The following FBXL7 variants were observed in gnomAD, a reference collection of about 807,000 sequenced individuals.
FBXL7 encodes F-box/LRR-repeat protein 7.
In FBXL7, 12 loss-of-function variants were observed where a neutral mutation model predicts 38.3. The ratio of observed to expected loss-of-function variants is 0.31; its 90% confidence interval spans 0.20 to 0.51. FBXL7 has a LOEUF of 0.51. Ranked by LOEUF, FBXL7 falls within the 20% of genes least tolerant of loss-of-function variation. The pLI, the probability that FBXL7 is intolerant of heterozygous loss-of-function variation, is 0.98. For synonymous variants in FBXL7, 297 were observed against 300.9 expected (o/e 0.99, Z 0.13); for missense variants, 567 against 676.4 (o/e 0.84, Z 1.79).
chr5:15,719,396 A>T (rs1744134480), intron 2 of FBXL7, among the ~76,000 whole-genome samples: 1 of 122,952 alleles, frequency 8.1e-6, no homozygotes, highest in Non-Finnish European at 1.9e-5. Flanking sequence ...TAAGTGACCT[A>T]TTTATAATAT....
At chr5:15,648,336 TG>T (rs916215552) in intron 2 of FBXL7, among the ~76,000 whole-genome samples, 8 of 152,360 alleles carry the variant, frequency 5.3e-5, no homozygotes, top group African/African-American at 1.7e-4. Context: ...CATTGAAGTC[TG>T]CATTTTTAAG....
rs1444247422 is a variant in FBXL7, at chr5:15,911,540, C to A, written c.128-16350C>A. Among the ~76,000 whole-genome samples the A allele has an allele frequency of 1.6e-5, 2 of 126,028 alleles. 1 individual carries two copies. The highest frequency in any genetic ancestry group is 8.7e-5 in the African/African-American group (2 of 23,108). The allele number at this position is 126,028 out of a possible 152,430, so 82.7% of individuals were successfully genotyped here. On this transcript the variant is annotated intron_variant, in intron 2 of 3. Transcript: ENST00000504595. ...TCTCTCAGCTCGTCAAAATCATTCT[C>A]CATCCAGCTTTGTTCTGTTGCTGGT... is the stretch of plus-strand genomic sequence containing the variant.
intron 2 of FBXL7, among the ~76,000 whole-genome samples, chr5:15,627,913 A>G (rs1405912442): frequency 6.6e-6 from 1 of 152,186 alleles, no homozygotes; most frequent in East Asian, 1.9e-4. Context: ...AGGTTGTTAG[A>G]CTAATTAACA....
rs899218055 is a variant in FBXL7, at chr5:15,637,643, A to G, written c.127+21571A>G. 5.9e-5 allele frequency among the ~76,000 whole-genome samples: 9 copies of G among 152,284 alleles called. No homozygotes were observed. The South Asian group carries it at 1.9e-3, about 32-fold the overall frequency. On this transcript the variant is annotated intron_variant, in intron 2 of 3. Transcript: ENST00000504595. ...AGGCATGGTTTTAACTGCATTACAT[A>G]TATTCACTCATTTAACCCCAGAACC...
intron 2 of FBXL7, among the ~76,000 whole-genome samples, chr5:15,755,717 C>T (rs368212539): frequency 1.0e-3 from 152 of 152,310 alleles, no homozygotes; most frequent in African/African-American, 3.4e-3. Flanking sequence ...TTCATTACAC[C>T]TAGAAATAGC....
intron 1 of FBXL7, among the ~76,000 whole-genome samples, chr5:15,517,356 A>G (rs1736971615): frequency 6.6e-6 from 1 of 152,238 alleles, no homozygotes; most frequent in Non-Finnish European, 1.5e-5. Context: ...ATGGTAAACT[A>G]AAGCATTCAG....
At chr5:15,515,542 TTGTC>T (rs1736911109) in intron 1 of FBXL7, among the ~76,000 whole-genome samples, 4 of 152,192 alleles carry the variant, frequency 2.6e-5, no homozygotes, top group Non-Finnish European at 5.9e-5. Flanking sequence ...GTTTTACTGA[TTGTC>T]TGCTGTGCTT....
At chr5:15,805,736 G>A (rs557308670) in intron 2 of FBXL7, among the ~76,000 whole-genome samples, 8 of 152,050 alleles carry the variant, frequency 5.3e-5, no homozygotes, top group Non-Finnish European at 7.4e-5. Context: ...TTTAATCACC[G>A]GATTTTAAAA....
At chr5:15,545,631 A>G (rs1338614290) in intron 1 of FBXL7, among the ~76,000 whole-genome samples, 3 of 152,168 alleles carry the variant, frequency 2.0e-5, no homozygotes, top group African/African-American at 4.8e-5. Flanking sequence ...AAATTAGTTT[A>G]TATTTATTGA....
At chr5:15,794,605 A>G (rs1433242540) in intron 2 of FBXL7, among the ~76,000 whole-genome samples, 1 of 152,184 alleles carries the variant, frequency 6.6e-6, no homozygotes, top group Non-Finnish European at 1.5e-5. Flanking sequence ...CCAGAGCCTT[A>G]TAAATGGGGT....
At position 15,927,987 on chromosome 5, in the gene FBXL7, C is replaced by T. The variant is rs1741929940; in HGVS notation, c.225C>T (p.Thr75=). 6.3e-7 allele frequency: 1 copy of T among 1,596,876 alleles called. No homozygotes were observed. The change falls in exon 3 of 4, where the codon ACC becomes ACT. Residue 75 remains threonine (T), a synonymous_variant. Coordinates refer to ENST00000504595, the MANE Select transcript of FBXL7 (RefSeq NM_012304.5). ...TTCAGAATGGAAGGGGCTCGTCCAC[C>T]TCCTCGTCCTCCATCACCGGGGAGA... ...PGFQNGRGSS[T]SSSSITGETV... is the part of the protein sequence containing the mutation.
chr5:15,533,954 T>A (rs1260760641), intron 1 of FBXL7, among the ~76,000 whole-genome samples: 1 of 152,286 alleles, frequency 6.6e-6, no homozygotes, highest in Non-Finnish European at 1.5e-5. Context: ...TTTTTCCCCC[T>A]TTTTTGTCTC....
intron 1 of FBXL7, among the ~76,000 whole-genome samples, chr5:15,594,729 C>T (rs1739574292): frequency 6.6e-6 from 1 of 152,178 alleles, no homozygotes; most frequent in African/African-American, 2.4e-5. Flanking sequence ...TGGCTCTTTG[C>T]GTATAACCTG....
chr5:15,570,299 T>G (rs1738731478), intron 1 of FBXL7, among the ~76,000 whole-genome samples: 1 of 152,226 alleles, frequency 6.6e-6, no homozygotes, highest in Non-Finnish European at 1.5e-5. Flanking sequence ...AGATTCAGCT[T>G]CTTCCTGGTT....
chr5:15,921,968 C>A (rs986968947), intron 2 of FBXL7, among the ~76,000 whole-genome samples: 1 of 152,082 alleles, frequency 6.6e-6, no homozygotes, highest in Admixed American at 6.5e-5. Flanking sequence ...CCAGCAATCC[C>A]TCTTTTGGGC....
intron 1 of FBXL7, among the ~76,000 whole-genome samples, chr5:15,610,559 C>G (rs1740198572): frequency 6.6e-6 from 1 of 152,116 alleles, no homozygotes; most frequent in East Asian, 1.9e-4. Flanking sequence ...CTCTGAATTC[C>G]TTCTGTAACA....
chr5:15,594,598 G>C (rs1267759625), intron 1 of FBXL7, among the ~76,000 whole-genome samples: 2 of 152,198 alleles, frequency 1.3e-5, no homozygotes, highest in African/African-American at 4.8e-5. Context: ...CTTGGTATTG[G>C]AGCTGCAGTA....
intron 3 of FBXL7, among the ~76,000 whole-genome samples, chr5:15,931,483 G>T (rs1313923091): frequency 6.6e-6 from 1 of 152,054 alleles, no homozygotes; most frequent in Non-Finnish European, 1.5e-5. Flanking sequence ...TGCCTGCCTG[G>T]ATGCAGACTT....
intron 1 of FBXL7, among the ~76,000 whole-genome samples, chr5:15,563,489 A>T (rs1310647232): frequency 2.0e-5 from 3 of 152,126 alleles, no homozygotes; most frequent in Non-Finnish European, 4.4e-5. Flanking sequence ...CGTCTTTCAC[A>T]GTAGAGGAAC....
Sources: allele counts gnomAD v4.1 joint callset (sites outside exome capture counted in the v4.1 genomes callset), GRCh38; gene constraint gnomAD v4.1.1; transcripts MANE v1.5; gene names NCBI Gene and HGNC (gene_info 2026-07-23, HGNC 2026-07-21).